The following HYDIN variants were observed in gnomAD, a reference collection of about 807,000 sequenced individuals.
HYDIN encodes HYDIN axonemal central pair apparatus protein.
A neutral mutation model predicts 403.9 loss-of-function variants in HYDIN; 132 were observed. The observed-to-expected ratio is 0.33, with a 90% CI of 0.28 to 0.38. HYDIN has a LOEUF of 0.38. HYDIN is among the 10% of genes least tolerant of loss of function. The probability of loss-of-function intolerance (pLI) is 1.00; values close to 1 mark genes in which losing one functional copy is unlikely to be tolerated. For synonymous variants in HYDIN, 1,202 were observed against 1,891.7 expected (o/e 0.64, Z 9.46); for missense variants, 2,827 against 5,009.5 (o/e 0.56, Z 13.15).
intron 41 of HYDIN, among the ~76,000 whole-genome samples, chr16:70,944,458 C>T (rs1050261741): frequency 1.7e-4 from 26 of 152,260 alleles, no homozygotes; most frequent in African/African-American, 5.5e-4. Context: ...TCATGTTACC[C>T]GGGTTACGTC....
chr16:71,032,287 C>G (rs1296866789), intron 18 of HYDIN, among the ~76,000 whole-genome samples: 1 of 143,416 alleles, frequency 7.0e-6, no homozygotes, highest in African/African-American at 2.6e-5. Context: ...ATTTTTTATT[C>G]TTATTTATTT....
intron 9 of HYDIN, among the ~76,000 whole-genome samples, chr16:71,120,064 A>C (rs1200148479): frequency 6.6e-6 from 1 of 151,710 alleles, no homozygotes; most frequent in Non-Finnish European, 1.5e-5. Context: ...CTGCCTCATC[A>C]CACGGATCCG....
intron 50 of HYDIN, among the ~76,000 whole-genome samples, chr16:70,904,946 A>G (rs1436337666): frequency 6.6e-6 from 1 of 151,952 alleles, no homozygotes; most frequent in East Asian, 1.9e-4. Flanking sequence ...GTTCCTTAGT[A>G]CCTTAAGGAG....
At chr16:71,032,620 A>G (rs2080955180) in intron 18 of HYDIN, among the ~76,000 whole-genome samples, 1 of 124,936 alleles carries the variant, frequency 8.0e-6, no homozygotes, top group Non-Finnish European at 1.7e-5. Flanking sequence ...CCTAGGCTAT[A>G]CGGTATAACC....
intron 23 of HYDIN, among the ~76,000 whole-genome samples, chr16:71,007,095 T>C (rs2079913140): frequency 6.6e-6 from 1 of 151,254 alleles, no homozygotes; most frequent in Non-Finnish European, 1.5e-5. Context: ...TTCCCATTTT[T>C]ATCTAGTGCT....
At chr16:70,877,815 C>T (rs1327285117) in intron 62 of HYDIN, among the ~76,000 whole-genome samples, 1 of 152,192 alleles carries the variant, frequency 6.6e-6, no homozygotes, top group African/African-American at 2.4e-5. Flanking sequence ...GCTGACAACT[C>T]AGCAGTTAAC....
chr16:70,986,612 G>C (rs922865106), intron 27 of HYDIN, among the ~76,000 whole-genome samples: 7 of 152,112 alleles, frequency 4.6e-5, no homozygotes, highest in Non-Finnish European at 5.9e-5. Context: ...AGGAGATATG[G>C]TCTCCGAGTG....
chr16:70,950,984 T>C (rs62049591), intron 41 of HYDIN, among the ~76,000 whole-genome samples: 86,734 of 152,000 alleles, frequency 0.57, 28,357 homozygotes, highest in Non-Finnish European at 0.75. Context: ...ATCCTAGTTC[T>C]TTGGGAGGCA....
intron 41 of HYDIN, among the ~76,000 whole-genome samples, chr16:70,951,248 C>CAGAGAGAGAGAGAGAGAGAG: frequency 7.7e-6 from 1 of 130,402 alleles, no homozygotes; most frequent in South Asian, 2.6e-4. Flanking sequence ...GGAAAAGGGA[C>CAGAGAGAGAGAGAGAGAGAG]AGAGAGAGAG....
chr16:71,200,323 C>T (rs1256144949), intron 1 of HYDIN, among the ~76,000 whole-genome samples: 1 of 152,118 alleles, frequency 6.6e-6, no homozygotes, highest in East Asian at 1.9e-4. Context: ...ATGGACTTGC[C>T]CTGAATTCCT....
chr16:70,930,447 C>T (rs1205712872), intron 45 of HYDIN, among the ~76,000 whole-genome samples: 3 of 151,910 alleles, frequency 2.0e-5, no homozygotes, highest in Non-Finnish European at 4.4e-5. Flanking sequence ...CGCCACTGCA[C>T]TCCAGCCTAG....
intron 1 of HYDIN, among the ~76,000 whole-genome samples, chr16:71,214,685 C>T (rs1235862930): frequency 2.6e-5 from 4 of 152,158 alleles, no homozygotes; most frequent in Non-Finnish European, 5.9e-5. Context: ...GAAATTAGTG[C>T]GTAAAAGCTA....
intron 18 of HYDIN, among the ~76,000 whole-genome samples, chr16:71,055,888 G>A (rs2144251366): frequency 6.6e-6 from 1 of 152,234 alleles, no homozygotes; most frequent in Non-Finnish European, 1.5e-5. Flanking sequence ...CCAAACAAGT[G>A]CCGAGCAAGG....
At chr16:71,186,715 G>A in intron 2 of HYDIN, 46 bp downstream of exon 2, 1 of 1,490,014 alleles carries the variant, frequency 6.7e-7, no homozygotes. Flanking sequence ...ATTCTCCTAA[G>A]GAGATTGCAT....
intron 1 of HYDIN, among the ~76,000 whole-genome samples, chr16:71,197,940 G>T (rs916880162): frequency 1.3e-5 from 2 of 152,156 alleles, no homozygotes; most frequent in East Asian, 3.9e-4. Context: ...TGGAGATGGG[G>T]TTTCACCATG....
At position 70,868,611 on chromosome 16, in the gene HYDIN, C is replaced by A. The variant is rs199890203; in HGVS notation, c.11269G>T (p.Val3757Leu). 2 of 1,613,562 alleles carry A rather than the reference C, an allele frequency of 1.2e-6. No homozygotes were observed. Among genetic ancestry groups the A allele is most frequent in the African/African-American group, 1.3e-5 (1 of 74,948 alleles). ...AAAGTCCCAGGCATGTTTCTGGGTA[C>A]GTCCACCCACTTGACTGTGTGCATG... ...DRMHTVKWVDVPRNMPGTFTT... is the reference protein window; with the variant it reads ...DRMHTVKWVDLPRNMPGTFTT... Residue 3757 changes from valine to leucine, a missense_variant, in exon 66 of 86, where the codon GTA becomes TTA. Val to Leu is a conservative substitution (Grantham distance 32). Coordinates refer to ENST00000393567, the MANE Select transcript of HYDIN (RefSeq NM_001270974.2).
intron 11 of HYDIN, among the ~76,000 whole-genome samples, chr16:71,093,317 T>A (rs1481229498): frequency 6.6e-6 from 1 of 152,226 alleles, no homozygotes. Flanking sequence ...ATTGGAAAGA[T>A]AAAGCAGGAA....
intron 23 of HYDIN, among the ~76,000 whole-genome samples, chr16:70,996,286 G>A (rs557419639): frequency 6.6e-6 from 1 of 152,302 alleles, no homozygotes; most frequent in Admixed American, 6.5e-5. Flanking sequence ...CTCTCCTAGG[G>A]AATCCACTAC....
chr16:71,040,234 C>T (rs1166132778), intron 18 of HYDIN, among the ~76,000 whole-genome samples: 2 of 151,844 alleles, frequency 1.3e-5, no homozygotes, highest in Non-Finnish European at 2.9e-5. Flanking sequence ...CATTCGCTTG[C>T]GTGCTCCCTC....
Sources: gnomAD v4.1 joint callset for allele counts (sites outside exome capture counted in the v4.1 genomes callset) on GRCh38, gnomAD v4.1.1 for gene constraint, MANE v1.5 for transcripts, NCBI Gene and HGNC (gene_info 2026-07-23, HGNC 2026-07-21) for gene names.